The following SLC12A3 variants were observed in gnomAD, a reference collection of about 807,000 sequenced individuals.
The protein encoded by SLC12A3 is solute carrier family 12 member 3, also known as Na-Cl cotransporter.
A neutral mutation model predicts 121.0 loss-of-function variants in SLC12A3; 104 were observed. The ratio of observed to expected loss-of-function variants is 0.86; its 90% CI spans 0.73 to 1.01. The LOEUF is 1.01. SLC12A3 is among the 50% of genes least tolerant of loss of function. The pLI, the probability that SLC12A3 is intolerant of heterozygous loss-of-function variation, is 0.00. For missense variants in SLC12A3, 1,328 were observed against 1,356.3 expected (o/e 0.98, Z 0.33); for synonymous variants, 536 against 533.4 (o/e 1.00, Z -0.07).
chr16:56,899,757 A>C, intron 23 of SLC12A3, 141 bp downstream of exon 23: 1 of 717,392 alleles, frequency 1.4e-6, no homozygotes. Context: ...CAGAGGGCAC[A>C]ACTTCTGCAG....
At chr16:56,880,314 T>A in intron 12 of SLC12A3, 61 bp downstream of exon 12, 10 of 1,535,868 alleles carry the variant, frequency 6.5e-6, no homozygotes, top group Admixed American at 2.0e-5. Context: ...GCCATGAGGG[T>A]CTTGGGGGCC....
intron 7 of SLC12A3, 59 bp downstream of exon 7, chr16:56,872,521 A>G (rs1397233704): frequency 1.9e-6 from 3 of 1,588,136 alleles, no homozygotes; most frequent in Admixed American, 3.3e-5. Context: ...CTACCCAGGA[A>G]TCTGGCCCAT....
In SLC12A3 at chr16:56,905,156, A is replaced by G. The variant is rs533592009; in HGVS notation, c.2924+694A>G. Among the ~76,000 whole-genome samples the G allele has an allele frequency of 7.2e-5, 11 of 152,176 alleles. No individual in the cohort carries two copies. In the East Asian group the frequency reaches 2.1e-3, roughly 29 times the overall value. On this transcript the variant is annotated intron_variant, in intron 25 of 25. Coordinates refer to ENST00000563236, the MANE Select transcript of SLC12A3 (RefSeq NM_001126108.2). ...GGAGGTCGAGACCAGCCTGACCAACATGGAGAAACCCCGTCTCTACTAAAA... is the reference window on the plus strand; with the variant it reads ...GGAGGTCGAGACCAGCCTGACCAACGTGGAGAAACCCCGTCTCTACTAAAA...
intron 25 of SLC12A3, among the ~76,000 whole-genome samples, chr16:56,912,936 T>C (rs763990667): frequency 9.9e-5 from 15 of 151,622 alleles, no homozygotes; most frequent in Admixed American, 2.0e-4. Flanking sequence ...GAGGCAGGAG[T>C]GAGCTTGGCA....
At chr16:56,895,063 G>T (rs1190433251) in intron 22 of SLC12A3, among the ~76,000 whole-genome samples, 2 of 151,434 alleles carry the variant, frequency 1.3e-5, no homozygotes, top group African/African-American at 4.8e-5. Flanking sequence ...ATCTCCTCCA[G>T]GAGGAACCTG....
chr16:56,913,645 ACT>A lies in SLC12A3; in HGVS notation c.*245_*246del. The A allele has an allele frequency of 1.7e-6, 1 of 571,724 alleles. No homozygotes were observed. The highest frequency in any genetic ancestry group is 3.1e-6 in the Non-Finnish European group (1 of 319,126). The allele number at this position is 571,724 out of a possible 1,614,324, so 35.4% of individuals were successfully genotyped here. A position where few individuals can be genotyped will look rare whatever the true frequency, so the allele number is the denominator to read the frequency against. On this transcript the variant is annotated 3_prime_UTR_variant, in exon 26 of 26. Transcript: ENST00000563236. ...AATAGCAGATGGAGCTGCAAGGAAA[ACT>A]CTCTAAAGCATCCTATTCCTTTTAA...
intron 2 of SLC12A3, 93 bp downstream of exon 2, chr16:56,867,309 G>A (rs1309438751): frequency 3.8e-6 from 5 of 1,332,096 alleles, no homozygotes; most frequent in South Asian, 1.3e-5. Context: ...AGGCCCTGGT[G>A]GGGCTTCAGT....
At chr16:56,867,296 C>A in intron 2 of SLC12A3, 80 bp downstream of exon 2, 1 of 1,447,434 alleles carries the variant, frequency 6.9e-7, no homozygotes, top group South Asian at 1.2e-5. Context: ...AGCTCTGACT[C>A]TCAGGCCCTG....
intron 13 of SLC12A3, among the ~76,000 whole-genome samples, chr16:56,883,447 AT>A (rs1315533811): frequency 1.3e-5 from 2 of 151,292 alleles, no homozygotes; most frequent in Non-Finnish European, 3.0e-5. Flanking sequence ...CGCCCAGCTA[AT>A]TTTTTGTATT....
At chr16:56,913,221 C>T in intron 25 of SLC12A3, 43 bp from the exon 26 acceptor site, 2 of 1,613,754 alleles carry the variant, frequency 1.2e-6, no homozygotes, top group South Asian at 1.1e-5. Flanking sequence ...TGTGGAGCGG[C>T]CCCGTGGTAA....
Position 56,915,715 on chromosome 16 carries a change from A to C in SLC12A3, c.*2310A>C, listed in dbSNP as rs1414255817. Reference sequence around the variant, plus strand: ...ACAGAATGTTTTGGCTTCGGGTGTCAAAAAAAAAATTTTCACGATGTCAGA... The same window carrying C: ...ACAGAATGTTTTGGCTTCGGGTGTCCAAAAAAAAATTTTCACGATGTCAGA... On this transcript the variant is annotated 3_prime_UTR_variant, in exon 26 of 26. Coordinates refer to ENST00000563236, the MANE Select transcript of SLC12A3 (RefSeq NM_001126108.2). 1 of 151,094 alleles carries C rather than the reference A, an allele frequency of 6.6e-6. No homozygotes were observed. The highest frequency in any genetic ancestry group is 2.4e-5 in the African/African-American group (1 of 41,212). 9.4% of individuals were successfully genotyped at this position (151,094 alleles called of 1,614,324 possible).
chr16:56,883,583 T>C (rs2144722017), intron 13 of SLC12A3, among the ~76,000 whole-genome samples: 1 of 152,294 alleles, frequency 6.6e-6, no homozygotes, highest in African/African-American at 2.4e-5. Flanking sequence ...GAAGACTTTT[T>C]CTAACCAGCT....
In SLC12A3 at chr16:56,882,391, C is replaced by G. The variant is rs751475080; in HGVS notation, c.1568-5C>G. On this transcript the variant is annotated splice_polypyrimidine_tract_variant and splice_region_variant and intron_variant, in intron 12 of 25. Transcript: ENST00000563236. ...GCTGTCCTCTCTCTCCCTGGGTCCCCGAAGCTGAGCTCAACACCATAGCCC... is the reference window on the plus strand; with the variant it reads ...GCTGTCCTCTCTCTCCCTGGGTCCCGGAAGCTGAGCTCAACACCATAGCCC... The G allele has an allele frequency of 1.2e-6, 2 of 1,612,980 alleles. No homozygotes were observed. The highest frequency in any genetic ancestry group is 8.5e-7 in the Non-Finnish European group (1 of 1,179,032).
intron 17 of SLC12A3, among the ~76,000 whole-genome samples, chr16:56,887,586 T>G (rs983018892): frequency 6.6e-6 from 1 of 151,562 alleles, no homozygotes; most frequent in Non-Finnish European, 1.5e-5. Flanking sequence ...GGAAACTGAC[T>G]TGGAAGCCTG....
intron 16 of SLC12A3, 111 bp downstream of exon 16, chr16:56,886,586 A>C (rs1442456685): frequency 2.0e-6 from 2 of 993,526 alleles, no homozygotes; most frequent in Admixed American, 3.7e-5. Context: ...GGAGTTTGAG[A>C]CCAGCCTGGC....
At chr16:56,882,554 G>C (rs931577277) in intron 13 of SLC12A3, 57 bp downstream of exon 13, 1 of 1,368,176 alleles carries the variant, frequency 7.3e-7, no homozygotes, top group South Asian at 1.2e-5. Context: ...GGAGGAACTG[G>C]GGCATGGGGT....
At chr16:56,877,082 T>C (rs531382473) in intron 8 of SLC12A3, among the ~76,000 whole-genome samples, 2 of 152,306 alleles carry the variant, frequency 1.3e-5, no homozygotes, top group Admixed American at 1.3e-4. Context: ...TCGTGAAGGC[T>C]TGTGATCACT....
At chr16:56,880,312 G>A (rs544911373) in intron 12 of SLC12A3, 59 bp downstream of exon 12, 131 of 1,537,854 alleles carry the variant, frequency 8.5e-5, no homozygotes, top group South Asian at 3.3e-4. Context: ...CGGCCATGAG[G>A]GTCTTGGGGG....
In SLC12A3 at chr16:56,915,749, G is replaced by GT; in HGVS notation, c.*2349dup. On this transcript the variant is annotated 3_prime_UTR_variant, in exon 26 of 26. Transcript: ENST00000563236. ...ATTTTCACGATGTCAGAAATAGTATGTTTTTAACAATAGTAATAGCTTTGT... is the reference window on the plus strand; with the variant it reads ...ATTTTCACGATGTCAGAAATAGTATGTTTTTTAACAATAGTAATAGCTTTGT... The GT allele has an allele frequency of 6.6e-6, 1 of 152,150 alleles. No homozygotes were observed. Among genetic ancestry groups the GT allele is most frequent in the Non-Finnish European group, 1.5e-5 (1 of 68,024 alleles). 9.4% of individuals were successfully genotyped at this position (152,150 alleles called of 1,614,324 possible).
Sources: allele counts gnomAD v4.1 joint callset (sites outside exome capture counted in the v4.1 genomes callset), GRCh38; gene constraint gnomAD v4.1.1; transcripts MANE v1.5; gene names NCBI Gene and HGNC (gene_info 2026-07-23, HGNC 2026-07-21).